Variants in OBI1 observed in about 807,000 individuals in gnomAD.
The protein encoded by OBI1 is ring finger protein 219.
A neutral mutation model predicts 62.4 loss-of-function variants in OBI1; 59 were observed. The observed-to-expected ratio is 0.95, with a 90% CI of 0.77 to 1.17. The LOEUF (loss-of-function observed/expected upper bound fraction) is 1.17, where lower values mean the gene tolerates loss of function less well. OBI1 is among the 50% of genes most tolerant of loss of function. The pLI, the probability that OBI1 is intolerant of heterozygous loss-of-function variation, is 0.00. For synonymous variants in OBI1, 302 were observed against 292.8 expected, an observed-to-expected ratio of 1.03 and a Z score of -0.32; for missense variants, 875 against 830.9, an observed-to-expected ratio of 1.05 and a Z score of -0.65.
intron 1 of OBI1, among the ~76,000 whole-genome samples, chr13:78,648,794 T>G (rs2137465256): frequency 6.6e-6 from 1 of 151,740 alleles, no homozygotes; most frequent in African/African-American, 2.4e-5. Context: ...GTGCCTGTAA[T>G]CCCAGCTACT....
intron 4 of OBI1, 58 bp downstream of exon 4, chr13:78,638,765 T>C: frequency 6.8e-7 from 1 of 1,470,420 alleles, no homozygotes; most frequent in Middle Eastern, 2.4e-4. Context: ...CTATTTATGC[T>C]TTTGAAGGTA....
chr13:78,628,316 G>C (rs1288822810), intron 5 of OBI1, among the ~76,000 whole-genome samples: 1 of 152,200 alleles, frequency 6.6e-6, no homozygotes, highest in East Asian at 1.9e-4. Flanking sequence ...CTGGCTCCAA[G>C]GTTTGTGTTC....
In OBI1 at chr13:78,616,745, G is replaced by C. The variant is rs200278404; in HGVS notation, c.1016C>G (p.Ser339Cys). The change falls in exon 6 of 6, where the codon TCT becomes TGT. Residue 339 changes from serine to cysteine, a missense_variant. Transcript: ENST00000282003. ...TTCTTGATATAGGTCTTTGTTCTTAGAACAGTTAAGGTCTGCTTTGCTGGT... is the reference window on the plus strand; with the variant it reads ...TTCTTGATATAGGTCTTTGTTCTTACAACAGTTAAGGTCTGCTTTGCTGGT... ...ESTSKADLNC[S>C]KNKDLYQEQV... The C allele has an allele frequency of 1.2e-5, 20 of 1,614,106 alleles. No individual in the cohort carries two copies. Among genetic ancestry groups the C allele is most frequent in the Admixed American group, 1.7e-5 (1 of 60,022 alleles).
At chr13:78,648,559 C>T (rs1876455586) in intron 1 of OBI1, among the ~76,000 whole-genome samples, 1 of 151,692 alleles carries the variant, frequency 6.6e-6, no homozygotes, top group South Asian at 2.1e-4. Context: ...GCAAAGCGTG[C>T]ACATTATATG....
intron 5 of OBI1, among the ~76,000 whole-genome samples, chr13:78,626,360 C>A (rs1875666835): frequency 6.6e-6 from 1 of 152,122 alleles, no homozygotes; most frequent in Admixed American, 6.5e-5. Context: ...GTATTTTGTA[C>A]AAATACACAA....
rs1249559169 is a variant in OBI1 at position 78,614,656 on chromosome 13, C to G, written c.*924G>C. ...AGAACAGGAACATGCAAACAAGAAA[C>G]ATACTACTCAAAAGAAAACTCCCCT... On this transcript the variant is annotated 3_prime_UTR_variant, in exon 6 of 6. Coordinates refer to ENST00000282003, the MANE Select transcript of OBI1 (RefSeq NM_024546.4). The G allele has an allele frequency of 6.6e-6, 1 of 152,304 alleles. No homozygotes were observed. Among genetic ancestry groups the G allele is most frequent in the Non-Finnish European group, 1.5e-5 (1 of 68,024 alleles). The allele number at this position is 152,304 out of a possible 1,614,324, so 9.4% of individuals were successfully genotyped here. A position where few individuals can be genotyped will look rare whatever the true frequency, so the allele number is the denominator to read the frequency against.
At chr13:78,638,799 A>C in intron 4 of OBI1, 24 bp downstream of exon 4, 1 of 1,584,448 alleles carries the variant, frequency 6.3e-7, no homozygotes, top group South Asian at 1.2e-5. Context: ...CAACCATAAT[A>C]GATTTTTAAA....
At chr13:78,640,812 A>G (rs980001044) in intron 3 of OBI1, among the ~76,000 whole-genome samples, 4 of 152,160 alleles carry the variant, frequency 2.6e-5, no homozygotes, top group African/African-American at 9.7e-5. Context: ...AAAAAGAAAA[A>G]GAGGATTGTT....
At chr13:78,623,270 T>TAAAAAAAAAAAAAAAAAAAAAAAAAAAAA (rs34129925) in intron 5 of OBI1, among the ~76,000 whole-genome samples, 2 of 136,198 alleles carry the variant, frequency 1.5e-5, no homozygotes, top group African/African-American at 2.7e-5. Context: ...AGAGAACATT[T>TAAAAAAAAAAAAAAAAAAAAAAAAAAAAA]AAAAAAAAAA....
intron 5 of OBI1, among the ~76,000 whole-genome samples, chr13:78,625,460 GAC>G: frequency 6.6e-6 from 1 of 152,266 alleles, no homozygotes; most frequent in African/African-American, 2.4e-5. Flanking sequence ...TTACTCAGAT[GAC>G]AGTTATTGAG....
chr13:78,653,276 C>T (rs928891004), intron 1 of OBI1, among the ~76,000 whole-genome samples: 15 of 152,222 alleles, frequency 9.9e-5, no homozygotes, highest in Admixed American at 6.5e-4. Context: ...TCCCTGGGCT[C>T]TACCCACTAG....
intron 5 of OBI1, among the ~76,000 whole-genome samples, chr13:78,628,451 C>T (rs1875745823): frequency 2.0e-5 from 3 of 152,184 alleles, no homozygotes; most frequent in Admixed American, 2.0e-4. Context: ...GGCTTCCCTT[C>T]ATCTGAGGAT....
chr13:78,639,508 C>G (rs1031569477), intron 3 of OBI1, among the ~76,000 whole-genome samples: 2 of 151,322 alleles, frequency 1.3e-5, no homozygotes, highest in Non-Finnish European at 2.9e-5. Context: ...ACCCAAAGGA[C>G]TATAAATCAT....
intron 4 of OBI1, among the ~76,000 whole-genome samples, chr13:78,636,782 C>T (rs1183139235): frequency 6.6e-6 from 1 of 152,164 alleles, no homozygotes; most frequent in East Asian, 1.9e-4. Context: ...AGCTCTCAAG[C>T]ACAGCACCAT....
At position 78,642,123 on chromosome 13, in the gene OBI1, T is replaced by C. The variant is rs771752087; in HGVS notation, c.299A>G (p.Glu100Gly). The C allele has an allele frequency of 7.7e-6, 12 of 1,565,232 alleles. No homozygotes were observed. In the South Asian group the frequency reaches 1.3e-4, roughly 17 times the overall value. Residue 100 changes from glutamate to glycine, a missense_variant and splice_region_variant, in exon 3 of 6, where the codon GAG (glutamate) becomes GGG (glycine). By Grantham distance (98) the Glu-to-Gly change is moderately conservative. Coordinates refer to ENST00000282003, the MANE Select transcript of OBI1 (RefSeq NM_024546.4). ...TTTTAAACTTTGATTACTGTTTACCTCATATTCTTTGTGTAGTAATTCAAG... is the reference window on the plus strand; with the variant it reads ...TTTTAAACTTTGATTACTGTTTACCCCATATTCTTTGTGTAGTAATTCAAG... The part of the protein sequence containing the change: ...TRLELLHKEY[E>G]DEIDCLQKEV...
intron 1 of OBI1, among the ~76,000 whole-genome samples, chr13:78,646,665 A>T (rs1213735286): frequency 3.9e-5 from 6 of 152,152 alleles, no homozygotes; most frequent in African/African-American, 1.4e-4. Context: ...AAGAGGCAGA[A>T]CCACCACAAA....
At chr13:78,652,547 C>T (rs1034397244) in intron 1 of OBI1, among the ~76,000 whole-genome samples, 1 of 152,170 alleles carries the variant, frequency 6.6e-6, no homozygotes, top group Non-Finnish European at 1.5e-5. Context: ...ATTCCAAACT[C>T]ATCTGGAGTA....
intron 1 of OBI1, among the ~76,000 whole-genome samples, chr13:78,654,321 C>G (rs1876633946): frequency 1.3e-5 from 2 of 152,108 alleles, no homozygotes; most frequent in African/African-American, 4.8e-5. Context: ...ATCCTTCAAA[C>G]TTATTTTCAA....
intron 2 of OBI1, among the ~76,000 whole-genome samples, chr13:78,642,602 T>C (rs1185432035): frequency 1.3e-5 from 2 of 152,214 alleles, no homozygotes; most frequent in Non-Finnish European, 2.9e-5. Context: ...AATGTATTAC[T>C]GGCTGGGTGC....
Sources: allele counts gnomAD v4.1 joint callset (sites outside exome capture counted in the v4.1 genomes callset), GRCh38; gene constraint gnomAD v4.1.1; transcripts MANE v1.5; gene names NCBI Gene and HGNC (gene_info 2026-07-23, HGNC 2026-07-21).